The following SMG6 variants were observed in gnomAD, a reference collection of about 807,000 sequenced individuals.
The protein encoded by SMG6 is telomerase-binding protein EST1A.
Under a neutral mutation model 142.2 loss-of-function variants are expected in SMG6, and 66 were observed. The ratio of observed to expected loss-of-function variants is 0.46; its 90% CI spans 0.38 to 0.57. The LOEUF (loss-of-function observed/expected upper bound fraction) is 0.57, where lower values mean the gene tolerates loss of function less well. SMG6 is among the 20% of genes least tolerant of loss of function. The probability of loss-of-function intolerance (pLI) is 0.00; values close to 1 mark genes in which losing one functional copy is unlikely to be tolerated. For missense variants in SMG6, 1,793 were observed against 1,832.0 expected, an observed-to-expected ratio of 0.98 and a Z score of 0.39; for synonymous variants, 779 against 702.4, an observed-to-expected ratio of 1.11 and a Z score of -1.72.
At chr17:2,202,621 T>TA (rs1490868599) in intron 10 of SMG6, among the ~76,000 whole-genome samples, 1 of 152,142 alleles carries the variant, frequency 6.6e-6, no homozygotes, top group Non-Finnish European at 1.5e-5. Context: ...CTTGAACTGT[T>TA]AAGAGTTCAT....
intron 10 of SMG6, among the ~76,000 whole-genome samples, chr17:2,206,354 G>C (rs1484795950): frequency 2.0e-5 from 3 of 152,170 alleles, no homozygotes; most frequent in East Asian, 1.9e-4. Context: ...GGGAGGCCGA[G>C]GCTGGAGAAT....
intron 4 of SMG6, among the ~76,000 whole-genome samples, chr17:2,293,414 TAA>T (rs1444846445): frequency 3.3e-5 from 5 of 152,174 alleles, no homozygotes; most frequent in African/African-American, 7.2e-5. Flanking sequence ...AAATATTTTA[TAA>T]ACTATAAAGA....
At chr17:2,240,525 G>A (rs1469983189) in intron 9 of SMG6, among the ~76,000 whole-genome samples, 2 of 152,110 alleles carry the variant, frequency 1.3e-5, no homozygotes, top group African/African-American at 4.8e-5. Context: ...ATAAGGACTG[G>A]AATGGACCTC....
chr17:2,185,500 A>G (rs183998328), intron 12 of SMG6, among the ~76,000 whole-genome samples: 4 of 152,308 alleles, frequency 2.6e-5, no homozygotes, highest in African/African-American at 9.6e-5. Context: ...CACAATTAAA[A>G]AAAAGAAAAA....
At chr17:2,246,668 G>A (rs947697216) in intron 8 of SMG6, among the ~76,000 whole-genome samples, 6 of 152,202 alleles carry the variant, frequency 3.9e-5, no homozygotes, top group African/African-American at 9.7e-5. Flanking sequence ...GGAAGAGGCC[G>A]GGTGCAGTGG....
At chr17:2,166,588 G>C (rs868797823) in intron 13 of SMG6, among the ~76,000 whole-genome samples, 1 of 152,132 alleles carries the variant, frequency 6.6e-6, no homozygotes. Context: ...CACCTGATTA[G>C]CTGGAACTAC....
intron 10 of SMG6, among the ~76,000 whole-genome samples, chr17:2,222,008 T>A (rs1239067370): frequency 1.3e-5 from 2 of 152,228 alleles, no homozygotes; most frequent in East Asian, 3.8e-4. Context: ...GAGCTGGGAT[T>A]ACAGACGTCG....
intron 13 of SMG6, among the ~76,000 whole-genome samples, chr17:2,126,426 A>G (rs1238061528): frequency 3.9e-5 from 6 of 152,142 alleles, no homozygotes; most frequent in Non-Finnish European, 8.8e-5. Flanking sequence ...CATAGGAAAC[A>G]AAAGAAAAAA....
At chr17:2,186,542 A>T in intron 12 of SMG6, 121 bp downstream of exon 12, 2 of 1,164,668 alleles carry the variant, frequency 1.7e-6, no homozygotes, top group Non-Finnish European at 2.4e-6. Flanking sequence ...TCAAATAAAG[A>T]AGAAATAGAG....
chr17:2,080,379 C>T (rs1191056524), intron 15 of SMG6, among the ~76,000 whole-genome samples: 2 of 152,072 alleles, frequency 1.3e-5, no homozygotes, highest in Non-Finnish European at 2.9e-5. Context: ...GATCATGCCA[C>T]TGGACTCCAG....
At chr17:2,151,597 G>A (rs1347796712) in intron 13 of SMG6, among the ~76,000 whole-genome samples, 1 of 152,226 alleles carries the variant, frequency 6.6e-6, no homozygotes, top group Non-Finnish European at 1.5e-5. Flanking sequence ...CATGTCACAT[G>A]CACAAAGAAA....
rs184560423 is a variant in SMG6 at position 2,298,440 on chromosome 17, C to T, written c.1848-385G>A. On this transcript the variant is annotated intron_variant, in intron 2 of 18. Coordinates refer to ENST00000263073, the MANE Select transcript of SMG6 (RefSeq NM_017575.5). ...ATTATTTCTAAGACTAGAAATAGGG[C>T]CGGGCGCGGTGGCTCATGCCTGTAA... Among the ~76,000 whole-genome samples, 42 of 152,260 alleles carry T rather than the reference C, an allele frequency of 2.8e-4. 1 individual carries two copies. In the East Asian group the frequency reaches 6.9e-3, roughly 25 times the overall value.
intron 12 of SMG6, 64 bp from the exon 13 acceptor site, chr17:2,172,923 A>C: frequency 6.8e-7 from 1 of 1,460,608 alleles, no homozygotes; most frequent in Non-Finnish European, 9.5e-7. Flanking sequence ...AAGTATTCTC[A>C]GTATTTGTGA....
intron 13 of SMG6, among the ~76,000 whole-genome samples, chr17:2,158,047 T>C (rs970188145): frequency 6.6e-6 from 1 of 152,126 alleles, no homozygotes; most frequent in Non-Finnish European, 1.5e-5. Context: ...AAGGGAGTAA[T>C]AAAAAGGGGT....
Position 2,299,289 on chromosome 17 carries a change from C to A in SMG6, c.1464G>T (p.Trp488Cys). ...DTDDEVSPTSWGDSRQAQASY... is the reference protein window; with the variant it reads ...DTDDEVSPTSCGDSRQAQASY... ...ATGCCTGAGCCTGGCGTGAGTCACC[C>A]CAAGATGTAGGGCTGACTTCATCAT... The change falls in exon 2 of 19, where the codon TGG (tryptophan) becomes TGT (cysteine). Residue 488 changes from tryptophan (W) to cysteine (C), a missense_variant. Trp to Cys is a radical substitution (Grantham distance 215, BLOSUM62 -2). Transcript: ENST00000263073. This position sits in a 1 kb window ranked among gnomAD's most constrained non-coding sequence, Gnocchi z 4.3. 1 of 1,614,030 alleles carries A rather than the reference C, an allele frequency of 6.2e-7. No individual in the cohort carries two copies. The highest frequency in any genetic ancestry group is 8.5e-7 in the Non-Finnish European group (1 of 1,180,028).
chr17:2,282,940 G>A, intron 7 of SMG6, 81 bp from the exon 8 acceptor site: 1 of 1,401,732 alleles, frequency 7.1e-7, no homozygotes, highest in Middle Eastern at 1.8e-4. Flanking sequence ...AGATGCGGAG[G>A]CAGGCGGATC....
chr17:2,303,541 G>A lies in SMG6; in HGVS notation c.88+92C>T, dbSNP rs915569835. 8 of 1,340,430 alleles carry A rather than the reference G, an allele frequency of 6.0e-6. No homozygotes were observed. In the African/African-American group the frequency reaches 6.2e-5, roughly 10 times the overall value. The allele number at this position is 1,340,430 out of a possible 1,614,324, so 83.0% of individuals were successfully genotyped here. On this transcript the variant is annotated intron_variant, in intron 1 of 18. Coordinates refer to ENST00000263073, the MANE Select transcript of SMG6 (RefSeq NM_017575.5). The stretch of plus-strand genomic sequence containing the variant: ...TGCTGGGGGAAGGGGCGGGGGCTCC[G>A]GAGCCGAGGGCCGAGCGGGGAGGAG...
rs1385428242 is a variant in SMG6, at chr17:2,136,337, C to G, written c.3357+36321G>C. Among the ~76,000 whole-genome samples, 6 of 152,238 alleles carry G rather than the reference C, an allele frequency of 3.9e-5. No individual in the cohort carries two copies. In the South Asian group the frequency reaches 1.2e-3, roughly 32 times the overall value. On this transcript the variant is annotated intron_variant, in intron 13 of 18. Coordinates refer to ENST00000263073, the MANE Select transcript of SMG6 (RefSeq NM_017575.5). The stretch of plus-strand genomic sequence containing the variant: ...GGATTACAGGCATGAGTCACTGCGC[C>G]TGGCCAATTAATTTAAGTAGACAAA...
intron 10 of SMG6, among the ~76,000 whole-genome samples, chr17:2,200,338 G>A (rs922366756): frequency 6.6e-5 from 10 of 151,964 alleles, no homozygotes; most frequent in Admixed American, 1.3e-4. Context: ...TTTTAAAAAC[G>A]TGAATTTAAG....
Sources: gnomAD v4.1 joint callset for allele counts (sites outside exome capture counted in the v4.1 genomes callset) on GRCh38, gnomAD v4.1.1 for gene constraint, Gnocchi (gnomAD v3.1) non-coding constraint, MANE v1.5 for transcripts, NCBI Gene and HGNC (gene_info 2026-07-23, HGNC 2026-07-21) for gene names.